Variants in CAT observed in about 807,000 individuals in gnomAD.
CAT encodes the protein catalase.
In CAT, 43 loss-of-function variants were observed where a neutral mutation model predicts 59.0. The ratio of observed to expected loss-of-function variants is 0.73; its 90% CI spans 0.57 to 0.94. CAT has a LOEUF of 0.94. CAT is among the 40% of genes least tolerant of loss of function. The pLI, the probability that CAT is intolerant of heterozygous loss-of-function variation, is 0.00. For missense variants in CAT, 664 were observed against 682.9 expected (o/e 0.97, Z 0.31); for synonymous variants, 218 against 230.9 (o/e 0.94, Z 0.51).
At chr11:34,470,932 T>C (rs1411218038) in intron 11 of CAT, 26 bp from the exon 12 acceptor site, 1 of 1,582,788 alleles carries the variant, frequency 6.3e-7, no homozygotes, top group African/African-American at 1.3e-5. Context: ...AGAGTAATGC[T>C]TGCATTTATT....
intron 5 of CAT, 103 bp downstream of exon 5, chr11:34,453,297 C>A: frequency 1.3e-6 from 1 of 792,334 alleles, no homozygotes. Flanking sequence ...TTATTGGAAT[C>A]AGCTTCCTCA....
chr11:34,468,529 T>A, intron 11 of CAT, 134 bp downstream of exon 11: 2 of 687,536 alleles, frequency 2.9e-6, no homozygotes, highest in Non-Finnish European at 5.2e-6. Context: ...AAAAATAAAC[T>A]AGTAATCCCC....
At chr11:34,457,356 G>A (rs1856603611) in intron 8 of CAT, among the ~76,000 whole-genome samples, 1 of 151,636 alleles carries the variant, frequency 6.6e-6, no homozygotes, top group African/African-American at 2.4e-5. Flanking sequence ...ACAGGCGCCC[G>A]CCACCATGCC....
At chr11:34,454,656 C>T (rs555013725) in intron 6 of CAT, among the ~76,000 whole-genome samples, 2 of 152,324 alleles carry the variant, frequency 1.3e-5, no homozygotes, top group South Asian at 4.2e-4. Flanking sequence ...GGAAAACTAT[C>T]ACCTCTTTTT....
intron 6 of CAT, among the ~76,000 whole-genome samples, chr11:34,455,461 CAG>C (rs1856577743): frequency 6.6e-6 from 1 of 150,636 alleles, no homozygotes; most frequent in South Asian, 2.1e-4. Context: ...TGCTCATAGT[CAG>C]AGAACTAGTT....
At chr11:34,469,193 C>T (rs776505553) in intron 11 of CAT, among the ~76,000 whole-genome samples, 15 of 152,150 alleles carry the variant, frequency 9.9e-5, no homozygotes, top group Non-Finnish European at 1.6e-4. Context: ...CCCCTAGTTG[C>T]TGCTTCTCAG....
rs753996249 is a variant in CAT, at chr11:34,470,990, C to T, written c.1467C>T (p.Tyr489=). 23 of 1,614,002 alleles carry T rather than the reference C, an allele frequency of 1.4e-5. No individual in the cohort carries two copies. Among genetic ancestry groups the T allele is most frequent in the African/African-American group, 2.7e-5 (2 of 74,908 alleles). The change falls in exon 12 of 13, where the codon TAC becomes TAT. Residue 489 remains tyrosine, a synonymous_variant. Transcript: ENST00000241052. The part of the protein sequence containing the change: ...VKNFTEVHPD[Y]GSHIQALLDK... ...ACTTCACTGAGGTCCACCCTGACTA[C>T]GGGAGCCACATCCAGGCTCTTCTGG... is the stretch of plus-strand genomic sequence containing the variant.
Position 34,471,039 on chromosome 11 carries a change from A to G in CAT, c.1516A>G (p.Lys506Glu), listed in dbSNP as rs769451124. Reference protein sequence around the residue: ...LLDKYNAEKPKNAIHTFVQSG... With the variant: ...LLDKYNAEKPENAIHTFVQSG... ...GGACAAGTACAATGCTGAGAAGCCT[A>G]AGGTAAGCTGGGAGCAGCCTGGCCA... Residue 506 changes from lysine to glutamate, a missense_variant and splice_region_variant, in exon 12 of 13, where the codon AAG becomes GAG. Lys to Glu is a moderately conservative substitution (Grantham distance 56). Transcript: ENST00000241052. The G allele has an allele frequency of 1.2e-6, 2 of 1,613,948 alleles. No individual in the cohort carries two copies. Among genetic ancestry groups the G allele is most frequent in the Non-Finnish European group, 1.7e-6 (2 of 1,179,792 alleles).
chr11:34,440,077 G>C (rs1419677399), intron 1 of CAT, among the ~76,000 whole-genome samples: 1 of 152,204 alleles, frequency 6.6e-6, no homozygotes, highest in African/African-American at 2.4e-5. Context: ...TTGGCCCAGG[G>C]AGTCTAAAGG....
chr11:34,463,695 C>T (rs1357954132), intron 9 of CAT, among the ~76,000 whole-genome samples: 1 of 152,144 alleles, frequency 6.6e-6, no homozygotes, highest in Non-Finnish European at 1.5e-5. Context: ...TGAATTGAGC[C>T]CAAGTCCAAA....
intron 11 of CAT, among the ~76,000 whole-genome samples, chr11:34,469,628 C>A (rs1432815350): frequency 2.0e-5 from 3 of 151,560 alleles, no homozygotes; most frequent in African/African-American, 7.3e-5. Flanking sequence ...CACCTCACTT[C>A]TCAGCATTTT....
chr11:34,459,249 T>C (rs1028423052), intron 8 of CAT, among the ~76,000 whole-genome samples: 1 of 152,184 alleles, frequency 6.6e-6, no homozygotes, highest in African/African-American at 2.4e-5. Flanking sequence ...AATATGTAGA[T>C]TGTCTTGTTG....
Position 34,468,290 on chromosome 11 carries a change from G to A in CAT, c.1329G>A (p.Val443=), listed in dbSNP as rs1406940305. 1 of 1,612,590 alleles carries A rather than the reference G, an allele frequency of 6.2e-7. No individual in the cohort carries two copies. Among genetic ancestry groups the A allele is most frequent in the Non-Finnish European group, 8.5e-7 (1 of 1,178,802 alleles). Residue 443 remains valine (V), a splice_region_variant and synonymous_variant, in exon 11 of 13, where the codon GTG becomes GTA. Coordinates refer to ENST00000241052, the MANE Select transcript of CAT (RefSeq NM_001752.4). ...CACTTGCTCTTTTCTCTGAGCAGGT[G>A]CGGGCATTCTATGTGAACGTGCTGA... is the stretch of plus-strand genomic sequence containing the variant. The part of the protein sequence containing the change: ...NTANDDNVTQ[V]RAFYVNVLNE...
chr11:34,456,561 T>C, intron 7 of CAT, 104 bp from the exon 8 acceptor site: 1 of 1,131,454 alleles, frequency 8.8e-7, no homozygotes, highest in South Asian at 1.2e-5. Context: ...ATTTAAAAAT[T>C]ATTTTCATTG....
chr11:34,456,597 T>C, intron 7 of CAT, 68 bp from the exon 8 acceptor site: 1 of 1,426,280 alleles, frequency 7.0e-7, no homozygotes, highest in South Asian at 1.1e-5. Context: ...AAATCTGGTA[T>C]TTTTGTGGGT....
At chr11:34,468,529 T>C in intron 11 of CAT, 134 bp downstream of exon 11, 1 of 687,536 alleles carries the variant, frequency 1.5e-6, no homozygotes, top group Non-Finnish European at 2.6e-6. Context: ...AAAAATAAAC[T>C]AGTAATCCCC....
intron 9 of CAT, 68 bp downstream of exon 9, chr11:34,461,457 C>T: frequency 1.3e-6 from 2 of 1,578,932 alleles, no homozygotes; most frequent in East Asian, 2.2e-5. Flanking sequence ...GGCGGGAGGC[C>T]AGGCCAGTGG....
chr11:34,451,737 T>C (rs1409965781), intron 3 of CAT, among the ~76,000 whole-genome samples: 1 of 152,250 alleles, frequency 6.6e-6, no homozygotes, highest in East Asian at 1.9e-4. Context: ...AACTCACTTA[T>C]TCTGTTTGTC....
chr11:34,466,305 A>G (rs770262573), intron 10 of CAT, among the ~76,000 whole-genome samples: 8 of 152,212 alleles, frequency 5.3e-5, no homozygotes, highest in Non-Finnish European at 1.0e-4. Flanking sequence ...ACCTTTTTAT[A>G]TGGAAATGTT....
Sources: allele counts gnomAD v4.1 joint callset (sites outside exome capture counted in the v4.1 genomes callset), GRCh38; gene constraint gnomAD v4.1.1; transcripts MANE v1.5; gene names NCBI Gene and HGNC (gene_info 2026-07-23, HGNC 2026-07-21).